The following HCRTR2 variants were observed in gnomAD, a reference collection of about 807,000 sequenced individuals.
HCRTR2 encodes the protein orexin receptor type 2.
In HCRTR2, 22 loss-of-function variants were observed where a neutral mutation model predicts 49.0. The ratio of observed to expected loss-of-function variants is 0.45; its 90% CI spans 0.32 to 0.64. The LOEUF (loss-of-function observed/expected upper bound fraction) is 0.64. Ranked by LOEUF, HCRTR2 falls within the 30% of genes least tolerant of loss-of-function variation. HCRTR2 has a pLI of 0.04. For synonymous variants in HCRTR2, 236 were observed against 205.3 expected (o/e 1.15, Z -1.28); for missense variants, 491 against 559.4 (o/e 0.88, Z 1.23).
chr6:55,174,931 G>A, intron 1 of HCRTR2, 121 bp downstream of exon 1: 1 of 721,050 alleles, frequency 1.4e-6, no homozygotes, highest in Non-Finnish European at 2.4e-6. Context: ...GCTGCTCTCG[G>A]ATGGGGTTTT....
At chr6:55,226,724 T>G (rs1038323813) in intron 1 of HCRTR2, among the ~76,000 whole-genome samples, 2 of 138,134 alleles carry the variant, frequency 1.4e-5, no homozygotes, top group Non-Finnish European at 1.6e-5. Context: ...TTTTTTTTTT[T>G]TTTTTTTTTT....
chr6:55,256,639 G>C (rs1017412051), intron 3 of HCRTR2, among the ~76,000 whole-genome samples: 15 of 150,630 alleles, frequency 1.0e-4, no homozygotes, highest in African/African-American at 3.4e-4. Context: ...TTTTTTTGCT[G>C]TATTTTTCTC....
At chr6:55,170,734 T>C (rs140948210), upstream of HCRTR2, among the ~76,000 whole-genome samples, 53 of 107,288 alleles carry the variant, frequency 4.9e-4, 1 homozygote, top group Non-Finnish European at 5.1e-4. Flanking sequence ...CCCTCCCCCC[T>C]CCCCCACCCC....
chr6:55,254,235 G>T (rs1211219222), intron 2 of HCRTR2, among the ~76,000 whole-genome samples: 1 of 131,304 alleles, frequency 7.6e-6, no homozygotes, highest in Non-Finnish European at 1.6e-5. Context: ...ATAACAATCT[G>T]TAAAAAAAAA....
At chr6:55,226,465 C>T (rs962416353) in intron 1 of HCRTR2, among the ~76,000 whole-genome samples, 8 of 152,070 alleles carry the variant, frequency 5.3e-5, no homozygotes, top group African/African-American at 7.2e-5. Flanking sequence ...TGCACCACCA[C>T]GCCTGGCTAA....
chr6:55,178,587 T>A (rs986046016), intron 1 of HCRTR2, among the ~76,000 whole-genome samples: 1 of 152,208 alleles, frequency 6.6e-6, no homozygotes, highest in Non-Finnish European at 1.5e-5. Flanking sequence ...CTGAACTTTT[T>A]GTGATGTGGT....
intron 1 of HCRTR2, among the ~76,000 whole-genome samples, chr6:55,243,715 A>ACT (rs1766377753): frequency 6.6e-6 from 1 of 152,128 alleles, no homozygotes; most frequent in African/African-American, 2.4e-5. Context: ...GAAACTTAGC[A>ACT]AAGTAAGGGA....
intron 1 of HCRTR2, among the ~76,000 whole-genome samples, chr6:55,163,019 C>A (rs533711514): frequency 3.2e-4 from 49 of 152,194 alleles, no homozygotes; most frequent in South Asian, 1.2e-3. Context: ...GAGGCCAAGG[C>A]AGGAGGATCA....
Position 55,182,584 on chromosome 6 carries a change from C to A in HCRTR2, c.223+7774C>A, listed in dbSNP as rs1284220311. Among the ~76,000 whole-genome samples, 3 of 152,166 alleles carry A rather than the reference C, an allele frequency of 2.0e-5. No individual in the cohort carries two copies. In the East Asian group the frequency reaches 5.8e-4, roughly 29 times the overall value. On this transcript the variant is annotated intron_variant, in intron 1 of 6. Transcript: ENST00000370862. ...CTTGAGGTGACTACAACAGCCACTA[C>A]CCCAACCCACCCCCAGCTTCAGTGC...
At chr6:55,272,212 G>T (rs1056901812) in intron 4 of HCRTR2, among the ~76,000 whole-genome samples, 1 of 152,120 alleles carries the variant, frequency 6.6e-6, no homozygotes, top group African/African-American at 2.4e-5. Flanking sequence ...TATGCCACAA[G>T]ATTGATGAAT....
At chr6:55,252,830 C>T (rs1202465684) in intron 2 of HCRTR2, among the ~76,000 whole-genome samples, 1 of 151,968 alleles carries the variant, frequency 6.6e-6, no homozygotes, top group Non-Finnish European at 1.5e-5. Context: ...AAATATAGAA[C>T]TTCAGACTCA....
chr6:55,252,365 T>A (rs566260523), intron 2 of HCRTR2, among the ~76,000 whole-genome samples: 1 of 152,266 alleles, frequency 6.6e-6, no homozygotes, highest in African/African-American at 2.4e-5. Context: ...TGAACCATGC[T>A]ACATCTATCC....
chr6:55,126,356 C>T (rs563709168), intron 1 of HCRTR2, among the ~76,000 whole-genome samples: 1 of 152,264 alleles, frequency 6.6e-6, no homozygotes, highest in Admixed American at 6.5e-5. Context: ...ACAGTCAGGC[C>T]CCTCTTCAGC....
chr6:55,207,718 T>C (rs1411898094), intron 1 of HCRTR2, among the ~76,000 whole-genome samples: 2 of 152,200 alleles, frequency 1.3e-5, no homozygotes, highest in Admixed American at 6.5e-5. Flanking sequence ...AGGGCCATTG[T>C]AGCAAATATT....
chr6:55,158,081 G>T (rs1399716295), intron 1 of HCRTR2, among the ~76,000 whole-genome samples: 4 of 152,166 alleles, frequency 2.6e-5, no homozygotes, highest in African/African-American at 4.8e-5. Context: ...GAAGGTGGTG[G>T]TTTCTGCATT....
intron 1 of HCRTR2, among the ~76,000 whole-genome samples, chr6:55,125,609 AG>A (rs1764262940): frequency 6.6e-6 from 1 of 151,990 alleles, no homozygotes; most frequent in African/African-American, 2.4e-5. Flanking sequence ...GCTTTTCTCG[AG>A]GAGTATCTTT....
chr6:55,257,418 A>G (rs557788511), intron 3 of HCRTR2, among the ~76,000 whole-genome samples: 1 of 152,244 alleles, frequency 6.6e-6, no homozygotes, highest in East Asian at 1.9e-4. Flanking sequence ...TTGCTATTAG[A>G]TAAAATATAA....
rs183521368 is a variant in HCRTR2 at position 55,113,653 on chromosome 6, T to C, written c.-378+7108T>C. On this transcript the variant is annotated intron_variant, in intron 1 of 7. Coordinates refer to the HCRTR2 transcript ENST00000615358. ...TAAAAAATAAAAAAAAAATAGATGT[T>C]GGTGTGGATGTGGTGAAAAGGGAAC... Among the ~76,000 whole-genome samples the C allele has an allele frequency of 1.1e-4, 16 of 151,890 alleles. No individual in the cohort carries two copies. In the East Asian group the frequency reaches 3.1e-3, roughly 29 times the overall value.
intron 4 of HCRTR2, among the ~76,000 whole-genome samples, chr6:55,265,590 G>A (rs1162221744): frequency 6.6e-6 from 1 of 152,128 alleles, no homozygotes; most frequent in Non-Finnish European, 1.5e-5. Context: ...GCTAAAACAA[G>A]TCACGTGGTT....
Sources: allele counts gnomAD v4.1 joint callset (sites outside exome capture counted in the v4.1 genomes callset), GRCh38; gene constraint gnomAD v4.1.1; transcripts MANE v1.5; gene names NCBI Gene and HGNC (gene_info 2026-07-23, HGNC 2026-07-21).